PC: variants seen among roughly 807,000 people sequenced by gnomAD.
PC encodes the protein pyruvate carboxylase, mitochondrial.
In PC, 46 loss-of-function variants were observed where a neutral mutation model predicts 107.8. That is an observed-to-expected ratio of 0.43 (90% CI 0.34 to 0.55). PC has a LOEUF of 0.55. PC is among the 20% of genes least tolerant of loss of function. The probability of loss-of-function intolerance (pLI) is 0.04; values close to 1 mark genes in which losing one functional copy is unlikely to be tolerated. For missense variants in PC, 1,241 were observed against 1,643.1 expected (o/e 0.76, Z 4.23); for synonymous variants, 662 against 684.7 (o/e 0.97, Z 0.52).
In PC at chr11:66,870,572, CT is replaced by C; in HGVS notation, c.752-120del. ...GTGCCGGCTGCCAGCGGTACAGAGGCTGCCAGGAGAGACACCAGCATCACCA... is the reference window on the plus strand; with the variant it reads ...GTGCCGGCTGCCAGCGGTACAGAGGCGCCAGGAGAGACACCAGCATCACCA... On this transcript the variant is annotated intron_variant, in intron 8 of 22. Coordinates refer to ENST00000393960, the MANE Select transcript of PC (RefSeq NM_001040716.2). This position sits in a 1 kb window ranked among gnomAD's most constrained non-coding sequence, Gnocchi z 6.1. 7.9e-7 allele frequency: 1 copy of C among 1,262,048 alleles called. No homozygotes were observed. The highest frequency in any genetic ancestry group is 1.1e-6 in the Non-Finnish European group (1 of 883,680). 78.2% of individuals were successfully genotyped at this position (1,262,048 alleles called of 1,614,324 possible). A position where few individuals can be genotyped will look rare whatever the true frequency, so the allele number is the denominator to read the frequency against.
intron 3 of PC, among the ~76,000 whole-genome samples, chr11:66,891,291 C>A (rs1947564559): frequency 6.6e-6 from 1 of 151,972 alleles, no homozygotes; most frequent in South Asian, 2.1e-4. Flanking sequence ...ACCTCCTGAC[C>A]TCAGGTGATC....
chr11:66,924,329 C>A, intron 3 of PC, among the ~76,000 whole-genome samples: 1 of 117,252 alleles, frequency 8.5e-6, no homozygotes, highest in African/African-American at 3.3e-5. Context: ...GCCAGGAGAT[C>A]AAGATCAGCC....
chr11:66,887,160 G>C (rs1591228226), intron 3 of PC, among the ~76,000 whole-genome samples: 1 of 152,274 alleles, frequency 6.6e-6, no homozygotes, highest in South Asian at 2.1e-4. Context: ...TATGCAGTGG[G>C]CTCCCCAGGG....
rs1315876821 is a variant in PC, at chr11:66,850,226, G to A, written c.2712C>T (p.Leu904=). The A allele has an allele frequency of 2.5e-6, 4 of 1,614,050 alleles. No homozygotes were observed. The highest frequency in any genetic ancestry group is 3.3e-5 in the Admixed American group (2 of 60,028). Residue 904 remains leucine, a synonymous_variant, in exon 19 of 23, where the codon CTC becomes CTT. Coordinates refer to ENST00000393960, the MANE Select transcript of PC (RefSeq NM_001040716.2). ...YVEANQMLGD[L]IKVTPSSKIV... Reference sequence around the variant, plus strand: ...AGCACCGGGCCGGGCTCACCTTGATGAGATCGCCCAGCATCTGGTTGGCCT... The same window carrying A: ...AGCACCGGGCCGGGCTCACCTTGATAAGATCGCCCAGCATCTGGTTGGCCT...
chr11:66,885,623 G>A (rs1947332730), intron 3 of PC, among the ~76,000 whole-genome samples: 1 of 152,126 alleles, frequency 6.6e-6, no homozygotes, highest in South Asian at 2.1e-4. Context: ...GACACACACA[G>A]AATGAAGATG....
At chr11:66,867,038 T>C (rs1293392171) in intron 10 of PC, among the ~76,000 whole-genome samples, 1 of 152,254 alleles carries the variant, frequency 6.6e-6, no homozygotes, top group African/African-American at 2.4e-5. Context: ...TTACTGCTCC[T>C]AAGGGCAGTC....
intron 3 of PC, among the ~76,000 whole-genome samples, chr11:66,906,182 G>A (rs1289067729): frequency 1.3e-5 from 2 of 152,134 alleles, no homozygotes; most frequent in Non-Finnish European, 2.9e-5. Context: ...TTAAGGGAAC[G>A]ATATGCAGCC....
chr11:66,880,762 G>A (rs1947157561), intron 3 of PC, among the ~76,000 whole-genome samples: 2 of 152,226 alleles, frequency 1.3e-5, no homozygotes, highest in African/African-American at 2.4e-5. Flanking sequence ...CTGGGGCCAG[G>A]CTCCCTCTGC....
chr11:66,953,903 A>C (rs1319650711), intron 2 of PC, among the ~76,000 whole-genome samples: 1 of 152,212 alleles, frequency 6.6e-6, no homozygotes, highest in Non-Finnish European at 1.5e-5. Flanking sequence ...TGGATCTAAT[A>C]GGACCTTCGT....
rs775955953 is a variant in PC, at chr11:66,859,081, C to T, written c.1368+4693G>A. On this transcript the variant is annotated intron_variant, in intron 12 of 22. Coordinates refer to ENST00000393960, the MANE Select transcript of PC (RefSeq NM_001040716.2). ...CAGTACAACAGCAGCGAAGATGAGA[C>T]CCTCATCTACCGGTGAGGATGCGTG... 4 of 1,488,552 alleles carry T rather than the reference C, an allele frequency of 2.7e-6. No homozygotes were observed. In the Admixed American group the frequency reaches 9.6e-5, roughly 36 times the overall value. 92.2% of individuals were successfully genotyped at this position (1,488,552 alleles called of 1,614,324 possible).
At chr11:66,859,091 C>T (rs1347188406) in intron 12 of PC, 2 of 1,486,610 alleles carry the variant, frequency 1.3e-6, no homozygotes, top group South Asian at 2.8e-5. Flanking sequence ...CCCTCATCTA[C>T]CGGTGAGGAT....
At chr11:66,936,683 C>T (rs1479947593) in intron 3 of PC, among the ~76,000 whole-genome samples, 1 of 152,126 alleles carries the variant, frequency 6.6e-6, no homozygotes, top group Admixed American at 6.6e-5. Flanking sequence ...CAGAAGAGAA[C>T]AGCTGGCCAA....
chr11:66,873,675 T>A (rs1946871658), intron 3 of PC, among the ~76,000 whole-genome samples: 1 of 147,756 alleles, frequency 6.8e-6, no homozygotes, highest in East Asian at 2.0e-4. Flanking sequence ...CAAGGTACAG[T>A]GGAGACTAAA....
At chr11:66,908,471 C>T (rs1948232888) in intron 3 of PC, among the ~76,000 whole-genome samples, 2 of 152,268 alleles carry the variant, frequency 1.3e-5, no homozygotes, top group Middle Eastern at 6.8e-3. Context: ...TATGAAACCA[C>T]CCAGCTCAGT....
intron 3 of PC, among the ~76,000 whole-genome samples, chr11:66,924,828 G>T (rs1346828007): frequency 6.6e-6 from 1 of 152,154 alleles, no homozygotes; most frequent in Non-Finnish European, 1.5e-5. Flanking sequence ...AATGAAGGAG[G>T]GGAGGTATCG....
chr11:66,908,548 G>A (rs1948236097), intron 3 of PC, among the ~76,000 whole-genome samples: 1 of 152,182 alleles, frequency 6.6e-6, no homozygotes, highest in African/African-American at 2.4e-5. Flanking sequence ...CCCACCTACT[G>A]GGTACCACCC....
Position 66,849,068 on chromosome 11 carries a change from A to G in PC, c.3368T>C (p.Ile1123Thr). The G allele has an allele frequency of 1.2e-6, 2 of 1,614,012 alleles. No homozygotes were observed. The highest frequency in any genetic ancestry group is 3.3e-4 in the Middle Eastern group (2 of 6,062). Residue 1123 changes from isoleucine (I) to threonine (T), a missense_variant, in exon 23 of 23, where the codon ATC becomes ACC. By Grantham distance (89) the Ile-to-Thr change is moderately conservative. Transcript: ENST00000393960. ...GAPMPGKVID[I>T]KVVAGAKVAK... ...CACCTTGGCCCCTGCCACCACTTTG[A>G]TGTCTATCACCTTCCCAGGCATGGG...
chr11:66,853,413 C>G, intron 12 of PC, 30 bp from the exon 13 acceptor site: 1 of 1,612,722 alleles, frequency 6.2e-7, no homozygotes, highest in Non-Finnish European at 8.5e-7. Context: ...GGGAGGGGGT[C>G]ACCATGCAGC....
chr11:66,858,380 G>T lies in PC; in HGVS notation c.1369-4997C>A. ...GCCTGGCCACGCTGGCTCCGGACCCGCTTTTCTCTCGTGGGCGTGATGCAG... is the reference window on the plus strand; with the variant it reads ...GCCTGGCCACGCTGGCTCCGGACCCTCTTTTCTCTCGTGGGCGTGATGCAG... On this transcript the variant is annotated intron_variant, in intron 12 of 22. Transcript: ENST00000393960. This position sits in a 1 kb window ranked among gnomAD's most constrained non-coding sequence, Gnocchi z 5.9. 6.3e-7 allele frequency: 1 copy of T among 1,577,304 alleles called. No homozygotes were observed.
Sources: gnomAD v4.1 joint callset for allele counts (sites outside exome capture counted in the v4.1 genomes callset) on GRCh38, gnomAD v4.1.1 for gene constraint, Gnocchi (gnomAD v3.1) non-coding constraint, MANE v1.5 for transcripts, NCBI Gene and HGNC (gene_info 2026-07-23, HGNC 2026-07-21) for gene names.